Variants in KCNQ1 observed in about 807,000 individuals in gnomAD.
KCNQ1 encodes the protein potassium voltage-gated channel subfamily KQT member 1.
Under a neutral mutation model 72.4 loss-of-function variants are expected in KCNQ1, and 49 were observed. That is an observed-to-expected ratio of 0.68 (90% CI 0.54 to 0.86). The LOEUF (loss-of-function observed/expected upper bound fraction) is 0.86, where lower values mean the gene tolerates loss of function less well. Among genes scored for constraint, KCNQ1 ranks in the 40% least tolerant of loss-of-function variants. The probability of loss-of-function intolerance (pLI) is 0.00; values close to 1 mark genes in which losing one functional copy is unlikely to be tolerated. For synonymous variants in KCNQ1, 450 were observed against 412.6 expected, an observed-to-expected ratio of 1.09 and a Z score of -1.10; for missense variants, 790 against 945.1, an observed-to-expected ratio of 0.84 and a Z score of 2.15.
At position 2,621,482 on chromosome 11, in the gene KCNQ1, T is replaced by C. The variant is rs987147915; in HGVS notation, c.1393+32628T>C. 7.0e-5 allele frequency: 28 copies of C among 398,474 alleles called. 1 individual carries two copies. Among genetic ancestry groups the C allele is most frequent in the African/African-American group, 5.8e-4 (28 of 48,620 alleles). The allele number at this position is 398,474 out of a possible 1,614,324, so 24.7% of individuals were successfully genotyped here. ...ATGAATAGTTTGCAAATATTTTTTC[T>C]CCCATTCTATATGTTGTCTGTTTAC... On this transcript the variant is annotated intron_variant, in intron 10 of 15. Coordinates refer to ENST00000155840, the MANE Select transcript of KCNQ1 (RefSeq NM_000218.3). The surrounding 1 kb of genome is among the most constrained non-coding windows in gnomAD (Gnocchi z 5.7).
rs1191045864 is a variant in KCNQ1 at position 2,687,682 on chromosome 11, A to AG, written c.1514+25604dup. ...TTGCCAGCCAGGTCTCAGGGAGCTC[A>AG]GGGTTCAGTGTTGGAATGGGTCTGG... is the stretch of plus-strand genomic sequence containing the variant. On this transcript the variant is annotated intron_variant, in intron 11 of 15. Coordinates refer to ENST00000155840, the MANE Select transcript of KCNQ1 (RefSeq NM_000218.3). The surrounding 1 kb of genome is among the most constrained non-coding windows in gnomAD (Gnocchi z 5.0). 2.5e-6 allele frequency: 1 copy of AG among 398,716 alleles called. No homozygotes were observed. The allele number at this position is 398,716 out of a possible 1,614,324, so 24.7% of individuals were successfully genotyped here.
chr11:2,837,568 G>A (rs1848099594), intron 15 of KCNQ1, among the ~76,000 whole-genome samples: 1 of 152,236 alleles, frequency 6.6e-6, no homozygotes, highest in East Asian at 1.9e-4. Context: ...CCTCGGGGAG[G>A]CGGCCTCTAA....
chr11:2,534,020 T>C (rs1021421273), intron 2 of KCNQ1, among the ~76,000 whole-genome samples: 3 of 150,972 alleles, frequency 2.0e-5, no homozygotes, highest in Admixed American at 1.3e-4. Context: ...CCCCGCCCGG[T>C]GGCCCACCCC....
Position 2,698,839 on chromosome 11 carries a change from C to A in KCNQ1, c.1514+36758C>A. The stretch of plus-strand genomic sequence containing the variant: ...CCTAATGAGGCCCTACCTAAAACCA[C>A]CATGCGGACTCCAGACCCGGACTGA... On this transcript the variant is annotated intron_variant, in intron 11 of 15. Transcript: ENST00000155840. This position sits in a 1 kb window ranked among gnomAD's most constrained non-coding sequence, Gnocchi z 5.1. The A allele has an allele frequency of 2.5e-6, 1 of 398,796 alleles. No homozygotes were observed. The highest frequency in any genetic ancestry group is 2.1e-5 in the African/African-American group (1 of 48,726). The allele number at this position is 398,796 out of a possible 1,614,324, so 24.7% of individuals were successfully genotyped here.
rs1345384579 is a variant in KCNQ1, at chr11:2,563,438, C to T, written c.478-7190C>T. 2.0e-5 allele frequency among the ~76,000 whole-genome samples: 3 copies of T among 152,230 alleles called. No individual in the cohort carries two copies. The highest frequency in any genetic ancestry group is 7.2e-5 in the African/African-American group (3 of 41,450). On this transcript the variant is annotated intron_variant, in intron 2 of 15. Transcript: ENST00000155840. This position sits in a 1 kb window ranked among gnomAD's most constrained non-coding sequence, Gnocchi z 7.4. ...TCTCCTCTTTATGCCACTGTAACCC[C>T]ACAACACCGGATACCAGCATGGGGT...
At chr11:2,597,352 C>G (rs879327268) in intron 10 of KCNQ1, among the ~76,000 whole-genome samples, 1 of 152,208 alleles carries the variant, frequency 6.6e-6, no homozygotes, top group Non-Finnish European at 1.5e-5. Context: ...ATATCTTACA[C>G]ATTTGCAAAA....
intron 11 of KCNQ1, chr11:2,681,593 CTT>C: frequency 2.5e-6 from 1 of 398,460 alleles, no homozygotes; most frequent in Non-Finnish European, 4.4e-6. Flanking sequence ...TTCTAGCTTG[CTT>C]GCTCACTCGC....
In KCNQ1 at chr11:2,601,529, C is replaced by T. The variant is rs1044493135; in HGVS notation, c.1393+12675C>T. 2.6e-5 allele frequency among the ~76,000 whole-genome samples: 4 copies of T among 152,182 alleles called. No homozygotes were observed. Among genetic ancestry groups the T allele is most frequent in the South Asian group, 2.1e-4 (1 of 4,826 alleles). ...GAGTCCAGATGCAGAGTGCTCCCGT[C>T]GCCACGGGGTTCCCATTATTTGTCC... On this transcript the variant is annotated intron_variant, in intron 10 of 15. Coordinates refer to ENST00000155840, the MANE Select transcript of KCNQ1 (RefSeq NM_000218.3). This position sits in a 1 kb window ranked among gnomAD's most constrained non-coding sequence, Gnocchi z 5.2.
rs1210647529 is a variant in KCNQ1 at position 2,767,707 on chromosome 11, T to G, written c.1515-1137T>G. Among the ~76,000 whole-genome samples the G allele has an allele frequency of 6.6e-6, 1 of 152,200 alleles. No homozygotes were observed. The highest frequency in any genetic ancestry group is 1.9e-4 in the East Asian group (1 of 5,196). On this transcript the variant is annotated intron_variant, in intron 11 of 15. Transcript: ENST00000155840. The surrounding 1 kb of genome is among the most constrained non-coding windows in gnomAD (Gnocchi z 4.6). ...TAGATAGCTTCTAAACCCCAAAGCT[T>G]CTCTCCACAGTGCCATGCGTCTACT...
rs1417121574 is a variant in KCNQ1 at position 2,458,711 on chromosome 11, C to T, written c.386+13227C>T. ...TCGATCGATCTCACCAAGCCTCGTGCTCTAAGTACAAGTTTACTGGAAATA... is the reference window on the plus strand; with the variant it reads ...TCGATCGATCTCACCAAGCCTCGTGTTCTAAGTACAAGTTTACTGGAAATA... On this transcript the variant is annotated intron_variant, in intron 1 of 15. Transcript: ENST00000155840. The surrounding 1 kb of genome is among the most constrained non-coding windows in gnomAD (Gnocchi z 4.6). Among the ~76,000 whole-genome samples, 1 of 152,140 alleles carries T rather than the reference C, an allele frequency of 6.6e-6. No homozygotes were observed. The highest frequency in any genetic ancestry group is 2.4e-5 in the African/African-American group (1 of 41,414).
rs897670723 is a variant in KCNQ1 at position 2,676,620 on chromosome 11, G to A, written c.1514+14539G>A. The A allele has an allele frequency of 3.5e-5, 14 of 398,568 alleles. No individual in the cohort carries two copies. The highest frequency in any genetic ancestry group is 3.2e-4 in the East Asian group (9 of 28,076). The allele number at this position is 398,568 out of a possible 1,614,324, so 24.7% of individuals were successfully genotyped here. ...TCTCCAAAGAGGCCTCTAAGAAATG[G>A]GTAGCTTCACAGATTCACAGATAGA... On this transcript the variant is annotated intron_variant, in intron 11 of 15. Coordinates refer to ENST00000155840, the MANE Select transcript of KCNQ1 (RefSeq NM_000218.3). The surrounding 1 kb of genome is among the most constrained non-coding windows in gnomAD (Gnocchi z 4.2).
chr11:2,533,873 C>T (rs1227832791), intron 2 of KCNQ1, among the ~76,000 whole-genome samples: 1 of 152,194 alleles, frequency 6.6e-6, no homozygotes, highest in Non-Finnish European at 1.5e-5. Flanking sequence ...ACGGCTAGTC[C>T]GCGCCTTTGG....
intron 11 of KCNQ1, among the ~76,000 whole-genome samples, chr11:2,761,982 C>T (rs1846404628): frequency 6.6e-6 from 1 of 152,260 alleles, no homozygotes; most frequent in Admixed American, 6.5e-5. Context: ...AGTGTTCTCA[C>T]TGGATGTGGG....
In KCNQ1 at chr11:2,762,561, AC is replaced by A. The variant is rs1846419814; in HGVS notation, c.1515-6282del. Among the ~76,000 whole-genome samples the A allele has an allele frequency of 6.6e-6, 1 of 152,226 alleles. No homozygotes were observed. The highest frequency in any genetic ancestry group is 1.5e-5 in the Non-Finnish European group (1 of 68,044). ...GTCCTATTCCACGGGTCCCCAGGCC[AC>A]AGACCGGTACCCATCCATAGACTGT... is the stretch of plus-strand genomic sequence containing the variant. On this transcript the variant is annotated intron_variant, in intron 11 of 15. Coordinates refer to ENST00000155840, the MANE Select transcript of KCNQ1 (RefSeq NM_000218.3). This position sits in a 1 kb window ranked among gnomAD's most constrained non-coding sequence, Gnocchi z 4.3.
rs1438899352 is a variant in KCNQ1 at position 2,620,595 on chromosome 11, G to C, written c.1393+31741G>C. On this transcript the variant is annotated intron_variant, in intron 10 of 15. Transcript: ENST00000155840. The surrounding 1 kb of genome is among the most constrained non-coding windows in gnomAD (Gnocchi z 4.5). The stretch of plus-strand genomic sequence containing the variant: ...TTTCTTTATCCAATCCACCACTGAT[G>C]GGCATCTAAGTGGATTCCATGTCTT... 2.0e-5 allele frequency: 8 copies of C among 397,344 alleles called. No homozygotes were observed. In the East Asian group the frequency reaches 2.9e-4, roughly 14 times the overall value. 24.6% of individuals were successfully genotyped at this position (397,344 alleles called of 1,614,324 possible).
chr11:2,570,905 T>C (rs2133727908), intron 3 of KCNQ1, 151 bp downstream of exon 3: 3 of 1,074,334 alleles, frequency 2.8e-6, no homozygotes, highest in South Asian at 1.3e-5. Context: ...CACAGGAGCA[T>C]TGGCAGCCCT....
At chr11:2,798,517 A>G (rs1340218542) in intron 15 of KCNQ1, among the ~76,000 whole-genome samples, 1 of 151,102 alleles carries the variant, frequency 6.6e-6, no homozygotes, top group Non-Finnish European at 1.5e-5. Context: ...AAACTAATTC[A>G]TTGGTGATGG....
intron 15 of KCNQ1, among the ~76,000 whole-genome samples, chr11:2,845,102 C>G (rs1032373927): frequency 1.3e-5 from 2 of 152,182 alleles, no homozygotes; most frequent in Non-Finnish European, 2.9e-5. Flanking sequence ...CAGGCATGAG[C>G]AGGTCGTGGG....
chr11:2,662,952 C>T, intron 11 of KCNQ1: 1 of 398,708 alleles, frequency 2.5e-6, no homozygotes, highest in Non-Finnish European at 4.4e-6. Context: ...TAGTGAGGCC[C>T]TGGGCCTCCT....
Sources: gnomAD v4.1 joint callset for allele counts (sites outside exome capture counted in the v4.1 genomes callset) on GRCh38, gnomAD v4.1.1 for gene constraint, Gnocchi (gnomAD v3.1) non-coding constraint, MANE v1.5 for transcripts, NCBI Gene and HGNC (gene_info 2026-07-23, HGNC 2026-07-21) for gene names.